Variants in DNAJC9 observed in about 807,000 individuals in gnomAD.
DNAJC9 encodes dnaJ homolog subfamily C member 9.
DNAJC9 carries 18 observed loss-of-function variants against 32.4 expected under a neutral mutation model. That is an observed-to-expected ratio of 0.56 (90% CI 0.38 to 0.82). DNAJC9 has a LOEUF of 0.82. Among genes scored for constraint, DNAJC9 ranks in the 40% least tolerant of loss-of-function variants. DNAJC9 has a pLI of 0.00. For missense variants in DNAJC9, 310 were observed against 321.8 expected (o/e 0.96, Z 0.28); for synonymous variants, 113 against 122.1 (o/e 0.93, Z 0.49).
At chr10:73,235,079 A>G, downstream of DNAJC9, 4 of 1,448,302 alleles carry the variant, frequency 2.8e-6, no homozygotes, top group Non-Finnish European at 3.7e-6. Context: ...TATGACGTGG[A>G]ATTGGAGCTG....
intron 3 of DNAJC9, 142 bp from the exon 4 acceptor site, chr10:73,244,071 C>A: frequency 1.5e-6 from 1 of 647,486 alleles, no homozygotes; most frequent in Non-Finnish European, 2.7e-6. Context: ...ATAACTATGT[C>A]ATTCATTAAA....
chr10:73,245,811 T>C (rs960902362), intron 3 of DNAJC9, 111 bp downstream of exon 3: 11 of 1,361,396 alleles, frequency 8.1e-6, no homozygotes, highest in Non-Finnish European at 9.0e-6. Flanking sequence ...TAGACCAAGT[T>C]AACCCTAGTC....
Position 73,243,496 on chromosome 10 carries a change from C to T in DNAJC9, c.687G>A (p.Lys229=). ...TCTGAGCCAGAAAATTGTCCATTTC[C>T]TTTTGCCGATCCTTTTGTCTGCTCT... ...AIQSRQKDRQ[K]EMDNFLAQME... Residue 229 remains lysine (K), a synonymous_variant, in exon 5 of 5, where the codon AAG becomes AAA. Coordinates refer to ENST00000372950, the MANE Select transcript of DNAJC9 (RefSeq NM_015190.5). 6.2e-7 allele frequency: 1 copy of T among 1,614,018 alleles called. No individual in the cohort carries two copies. Among genetic ancestry groups the T allele is most frequent in the Non-Finnish European group, 8.5e-7 (1 of 1,180,002 alleles).
downstream of DNAJC9, chr10:73,239,309 T>C (rs2043891711): frequency 2.6e-6 from 4 of 1,551,190 alleles, no homozygotes; most frequent in East Asian, 2.4e-5. Context: ...TTTTGTCTTG[T>C]AGCTGGATAC....
downstream of DNAJC9, chr10:73,234,963 C>T (rs1384998420): frequency 1.3e-6 from 2 of 1,550,874 alleles, no homozygotes; most frequent in Non-Finnish European, 1.7e-6. Flanking sequence ...CATATTGCCT[C>T]TCCATGTACT....
downstream of DNAJC9, chr10:73,235,559 T>C: frequency 1.3e-5 from 10 of 789,530 alleles, 1 homozygote; most frequent in Middle Eastern, 8.9e-4. Context: ...ACTTAAGATA[T>C]GTCTGACCAC....
At chr10:73,240,537 C>T (rs550405452), downstream of DNAJC9, among the ~76,000 whole-genome samples, 4 of 152,056 alleles carry the variant, frequency 2.6e-5, no homozygotes, top group Admixed American at 6.6e-5. Flanking sequence ...ATGGTGAAAC[C>T]CCATCTCTAC....
intron 4 of DNAJC9, 109 bp downstream of exon 4, chr10:73,243,734 G>A (rs1255526830): frequency 8.8e-7 from 1 of 1,138,098 alleles, no homozygotes. Context: ...ACAAATAGAA[G>A]GTATGCGGTT....
downstream of DNAJC9, among the ~76,000 whole-genome samples, chr10:73,236,882 A>AT (rs948626765): frequency 2.0e-5 from 3 of 150,762 alleles, no homozygotes; most frequent in Admixed American, 6.6e-5. Flanking sequence ...TGCCCTGCTA[A>AT]TTTTTTTATT....
In DNAJC9 at chr10:73,246,164, C is replaced by T. The variant is rs200630658; in HGVS notation, c.334G>A (p.Asp112Asn). 1.6e-5 allele frequency: 25 copies of T among 1,607,376 alleles called. No individual in the cohort carries two copies. The highest frequency in any genetic ancestry group is 2.0e-5 in the Non-Finnish European group (23 of 1,178,468). The stretch of plus-strand genomic sequence containing the variant: ...TATGTCTTTTCAAAAGCTTGAATGT[C>T]CTCTAAAGATATCTGATGATAAAGG... The part of the protein sequence containing the change: ...RLLFKKISLE[D>N]IQAFEKTYKG... Residue 112 changes from aspartate to asparagine, a missense_variant, in exon 3 of 5, where the codon GAC becomes AAC. Coordinates refer to ENST00000372950, the MANE Select transcript of DNAJC9 (RefSeq NM_015190.5).
downstream of DNAJC9, chr10:73,241,004 C>G: frequency 6.5e-7 from 1 of 1,539,836 alleles, no homozygotes. Context: ...TCTCTCGAAC[C>G]AGGCAGGGAC....
chr10:73,247,092 C>A lies in DNAJC9; in HGVS notation c.98G>T (p.Arg33Leu). 1 of 1,595,228 alleles carries A rather than the reference C, an allele frequency of 6.3e-7. No individual in the cohort carries two copies. The highest frequency in any genetic ancestry group is 8.5e-7 in the Non-Finnish European group (1 of 1,171,862). Reference sequence around the variant, plus strand: ...CTGCAGGGACACCTTGTGGTAGCCTCGTCGGACCTCGCCGTCGGAGGCCTC... The same window carrying A: ...CTGCAGGGACACCTTGTGGTAGCCTAGTCGGACCTCGCCGTCGGAGGCCTC... ...RREASDGEVR[R>L]GYHKVSLQVH... Residue 33 changes from arginine (R) to leucine (L), a missense_variant, in exon 1 of 5, where the codon CGA becomes CTA. By Grantham distance (102) the Arg-to-Leu change is moderately radical. Coordinates refer to ENST00000372950, the MANE Select transcript of DNAJC9 (RefSeq NM_015190.5).
rs998165695 is a variant in DNAJC9, at chr10:73,246,826, G to C, written c.183C>G (p.Ile61Met). The C allele has an allele frequency of 1.9e-6, 3 of 1,614,054 alleles. No homozygotes were observed. The highest frequency in any genetic ancestry group is 2.5e-6 in the Non-Finnish European group (3 of 1,180,032). Residue 61 changes from isoleucine (I) to methionine (M), a missense_variant and splice_region_variant, in exon 2 of 5, where the codon ATC (isoleucine) becomes ATG (methionine). By Grantham distance (10) the Ile-to-Met change is conservative. Transcript: ENST00000372950. ...TGAGAACGGAATAGACTTTTCCCAG[G>C]ATCTGAGGGCAAAGAGTATCCGTAA... ...DKEDATRRFQ[I>M]LGKVYSVLSD...
chr10:73,240,668 T>A (rs982952161), downstream of DNAJC9, among the ~76,000 whole-genome samples: 1 of 149,638 alleles, frequency 6.7e-6, no homozygotes, highest in Non-Finnish European at 1.5e-5. Context: ...GCCGAGATCA[T>A]GCCACTGCAC....
chr10:73,233,070 A>T, intron 2 of DNAJC9: 1 of 1,551,702 alleles, frequency 6.4e-7, no homozygotes, highest in Non-Finnish European at 8.7e-7. Context: ...AGGAGACGCA[A>T]TCCACCACCA....
At chr10:73,244,870 A>C (rs540927835) in intron 3 of DNAJC9, among the ~76,000 whole-genome samples, 12 of 152,296 alleles carry the variant, frequency 7.9e-5, no homozygotes, top group African/African-American at 2.9e-4. Context: ...TCCCAATAAG[A>C]CACCGTTTCC....
At chr10:73,246,541 C>G in intron 2 of DNAJC9, 147 bp downstream of exon 2, 2 of 875,678 alleles carry the variant, frequency 2.3e-6, no homozygotes, top group Non-Finnish European at 3.6e-6. Flanking sequence ...TTTCAGTAAG[C>G]GTGCGTGTAT....
chr10:73,245,401 G>A (rs370427526), intron 3 of DNAJC9, among the ~76,000 whole-genome samples: 4 of 135,430 alleles, frequency 3.0e-5, no homozygotes, highest in South Asian at 2.3e-4. Flanking sequence ...CCACAAAACA[G>A]GTACCTGGTA....
chr10:73,232,981 C>T, intron 2 of DNAJC9: 1 of 1,551,876 alleles, frequency 6.4e-7, no homozygotes, highest in Middle Eastern at 1.7e-4. Context: ...GGTCCAGTAC[C>T]ATCCTTTCAA....
Sources: gnomAD v4.1 joint callset for allele counts (sites outside exome capture counted in the v4.1 genomes callset) on GRCh38, gnomAD v4.1.1 for gene constraint, MANE v1.5 for transcripts, NCBI Gene and HGNC (gene_info 2026-07-23, HGNC 2026-07-21) for gene names.